The following RB1CC1 variants were observed in gnomAD, a reference collection of about 807,000 sequenced individuals.
RB1CC1 encodes RB1-inducible coiled-coil protein 1.
A neutral mutation model predicts 177.5 loss-of-function variants in RB1CC1; 46 were observed. The observed-to-expected ratio is 0.26, with a 90% CI of 0.20 to 0.33. RB1CC1 has a LOEUF of 0.33. Ranked by LOEUF, RB1CC1 falls within the 10% of genes least tolerant of loss-of-function variation. The pLI is 1.00. For missense variants in RB1CC1, 1,703 were observed against 1,816.3 expected (o/e 0.94, Z 1.13); for synonymous variants, 666 against 613.6 (o/e 1.09, Z -1.26).
intron 8 of RB1CC1, among the ~76,000 whole-genome samples, chr8:52,662,415 C>T (rs1851710599): frequency 6.6e-6 from 1 of 151,918 alleles, no homozygotes; most frequent in Non-Finnish European, 1.5e-5. Context: ...CCATAATCTT[C>T]CTTCATTTAT....
chr8:52,664,399 T>C (rs953942098), intron 8 of RB1CC1, among the ~76,000 whole-genome samples: 5 of 152,164 alleles, frequency 3.3e-5, no homozygotes, highest in Non-Finnish European at 7.4e-5. Flanking sequence ...TAATTAAATA[T>C]TTAATTGTCT....
intron 18 of RB1CC1, among the ~76,000 whole-genome samples, chr8:52,640,143 T>G (rs1407237505): frequency 6.6e-6 from 1 of 152,160 alleles, no homozygotes; most frequent in Non-Finnish European, 1.5e-5. Context: ...ATAACTCAAT[T>G]TTCATATTTA....
At chr8:52,639,744 A>ATTGT (rs1849420340) in intron 18 of RB1CC1, among the ~76,000 whole-genome samples, 3 of 152,280 alleles carry the variant, frequency 2.0e-5, no homozygotes, top group African/African-American at 4.8e-5. Context: ...CTTCTCAAGT[A>ATTGT]ATCAGTGAGT....
chr8:52,626,547 A>G (rs1180275753), intron 22 of RB1CC1, among the ~76,000 whole-genome samples: 1 of 152,212 alleles, frequency 6.6e-6, no homozygotes, highest in Non-Finnish European at 1.5e-5. Context: ...GAATCTGGGT[A>G]AAGAAATATA....
chr8:52,710,735 A>G (rs754172728), intron 1 of RB1CC1, among the ~76,000 whole-genome samples: 11 of 152,212 alleles, frequency 7.2e-5, no homozygotes, highest in Non-Finnish European at 1.0e-4. Flanking sequence ...ATAGAATTAT[A>G]TAAGACAGGG....
chr8:52,637,094 T>C (rs543391113), intron 18 of RB1CC1, among the ~76,000 whole-genome samples: 12 of 152,296 alleles, frequency 7.9e-5, no homozygotes, highest in African/African-American at 2.2e-4. Flanking sequence ...AGGATCAGCC[T>C]GCCCTTTTCT....
intron 9 of RB1CC1, 41 bp downstream of exon 9, chr8:52,661,494 A>G: frequency 6.6e-7 from 1 of 1,519,388 alleles, no homozygotes; most frequent in Non-Finnish European, 8.8e-7. Context: ...TATAAATACC[A>G]ATTCTAAACA....
chr8:52,653,803 C>T (rs760621903), intron 15 of RB1CC1, among the ~76,000 whole-genome samples: 2 of 152,204 alleles, frequency 1.3e-5, no homozygotes, highest in African/African-American at 2.4e-5. Context: ...ATCCAATGAG[C>T]ATTTCCTTTA....
intron 7 of RB1CC1, among the ~76,000 whole-genome samples, chr8:52,673,557 T>C (rs1177772474): frequency 2.6e-5 from 4 of 152,200 alleles, no homozygotes; most frequent in Non-Finnish European, 5.9e-5. Context: ...TGTGTGGTGG[T>C]TATTTCTTGC....
chr8:52,680,990 G>T (rs1158964006), intron 5 of RB1CC1, among the ~76,000 whole-genome samples: 2 of 121,628 alleles, frequency 1.6e-5, no homozygotes, highest in African/African-American at 7.7e-5. Context: ...GTGTGTGTGT[G>T]TGTGTTTTTT....
At chr8:52,698,852 G>A (rs1395240191) in intron 1 of RB1CC1, among the ~76,000 whole-genome samples, 1 of 151,376 alleles carries the variant, frequency 6.6e-6, no homozygotes, top group African/African-American at 2.4e-5. Flanking sequence ...ACCACGCCCG[G>A]CTAATTGTTT....
rs182362746 is a variant in RB1CC1, at chr8:52,696,075, G to A, written c.-166-9108C>T. On this transcript the variant is annotated intron_variant, in intron 1 of 23. Transcript: ENST00000025008. ...TTTTTTGTTTTTCAGACGGAGTCTTGCTCTTGTCGCCCAGACTGGAGTGCA... is the reference window on the plus strand; with the variant it reads ...TTTTTTGTTTTTCAGACGGAGTCTTACTCTTGTCGCCCAGACTGGAGTGCA... Among the ~76,000 whole-genome samples the A allele has an allele frequency of 6.6e-5, 10 of 152,246 alleles. No individual in the cohort carries two copies. In the East Asian group the frequency reaches 1.9e-3, roughly 29 times the overall value.
At chr8:52,680,256 A>C (rs2150579271) in intron 5 of RB1CC1, among the ~76,000 whole-genome samples, 1 of 152,322 alleles carries the variant, frequency 6.6e-6, no homozygotes, top group African/African-American at 2.4e-5. Context: ...TTGCTTTATA[A>C]AAAAGAACTC....
intron 1 of RB1CC1, among the ~76,000 whole-genome samples, chr8:52,707,487 G>T: frequency 7.6e-6 from 1 of 131,690 alleles, no homozygotes; most frequent in African/African-American, 2.8e-5. Flanking sequence ...CCAGGCTTCA[G>T]TTATTTCTGT....
At chr8:52,657,929 CT>C (rs1470164204) in intron 14 of RB1CC1, 21 bp from the exon 15 acceptor site, 1 of 1,612,490 alleles carries the variant, frequency 6.2e-7, no homozygotes, top group Non-Finnish European at 8.5e-7. Flanking sequence ...GAAAGAAAGG[CT>C]TAAAGAGCTG....
chr8:52,692,297 A>G (rs1854942760), intron 1 of RB1CC1, among the ~76,000 whole-genome samples: 1 of 152,004 alleles, frequency 6.6e-6, no homozygotes, highest in African/African-American at 2.4e-5. Context: ...TTTATATAAA[A>G]CTCCATGATA....
At chr8:52,705,137 CAT>C (rs1249961053) in intron 1 of RB1CC1, among the ~76,000 whole-genome samples, 1 of 152,168 alleles carries the variant, frequency 6.6e-6, no homozygotes, top group African/African-American at 2.4e-5. Flanking sequence ...CAAACATACT[CAT>C]AACTCACACG....
At chr8:52,636,911 C>T (rs771933258) in intron 18 of RB1CC1, among the ~76,000 whole-genome samples, 3 of 152,294 alleles carry the variant, frequency 2.0e-5, no homozygotes, top group African/African-American at 7.2e-5. Context: ...ACCATGAATA[C>T]GAGGGCTAAT....
At chr8:52,685,600 G>A (rs746894746) in intron 2 of RB1CC1, 80 bp from the exon 3 acceptor site, 48 of 491,126 alleles carry the variant, frequency 9.8e-5, no homozygotes, top group South Asian at 2.9e-4. Flanking sequence ...ACACAGTACA[G>A]TATTACTATA....
Sources: gnomAD v4.1 joint callset for allele counts (sites outside exome capture counted in the v4.1 genomes callset) on GRCh38, gnomAD v4.1.1 for gene constraint, MANE v1.5 for transcripts, NCBI Gene and HGNC (gene_info 2026-07-23, HGNC 2026-07-21) for gene names.